Variants in USP38 observed in about 807,000 individuals in gnomAD.
USP38 encodes the protein ubiquitin specific peptidase 38.
USP38 carries 49 observed loss-of-function variants against 94.3 expected under a neutral mutation model. The ratio of observed to expected loss-of-function variants is 0.52; its 90% CI spans 0.41 to 0.66. The LOEUF (loss-of-function observed/expected upper bound fraction) is 0.66, where lower values mean the gene tolerates loss of function less well. USP38 is among the 30% of genes least tolerant of loss of function. The probability of loss-of-function intolerance (pLI) is 0.00; values close to 1 mark genes in which losing one functional copy is unlikely to be tolerated. For synonymous variants in USP38, 468 were observed against 463.6 expected, an observed-to-expected ratio of 1.01 and a Z score of -0.12; for missense variants, 1,128 against 1,229.4, an observed-to-expected ratio of 0.92 and a Z score of 1.23.
Position 143,221,789 on chromosome 4 carries a change from G to A in USP38, c.*1333G>A, listed in dbSNP as rs561282207. On this transcript the variant is annotated 3_prime_UTR_variant, in exon 10 of 10. Coordinates refer to ENST00000307017, the MANE Select transcript of USP38 (RefSeq NM_032557.6). ...ACACTTTAAGGAAACAATGTTCTTCGATGATTTGGGGTTTATCTTTTTCCC... is the reference window on the plus strand; with the variant it reads ...ACACTTTAAGGAAACAATGTTCTTCAATGATTTGGGGTTTATCTTTTTCCC... 2.6e-5 allele frequency: 4 copies of A among 152,162 alleles called. No individual in the cohort carries two copies. The highest frequency in any genetic ancestry group is 1.9e-4 in the East Asian group (1 of 5,184). 9.4% of individuals were successfully genotyped at this position (152,162 alleles called of 1,614,324 possible). A position where few individuals can be genotyped will look rare whatever the true frequency, so the allele number is the denominator to read the frequency against.
chr4:143,199,997 A>G (rs1311344129), intron 4 of USP38, among the ~76,000 whole-genome samples: 2 of 152,050 alleles, frequency 1.3e-5, no homozygotes, highest in Non-Finnish European at 2.9e-5. Flanking sequence ...CCGTTTGTCA[A>G]TTTTTGCTTT....
intron 9 of USP38, among the ~76,000 whole-genome samples, chr4:143,218,910 G>T (rs1461586490): frequency 1.3e-5 from 2 of 151,918 alleles, no homozygotes; most frequent in South Asian, 2.1e-4. Flanking sequence ...TTGGTTGGGG[G>T]GTTTCTGTCT....
intron 9 of USP38, among the ~76,000 whole-genome samples, chr4:143,216,518 G>A (rs1732186608): frequency 6.6e-6 from 1 of 151,264 alleles, no homozygotes; most frequent in Non-Finnish European, 1.5e-5. Flanking sequence ...TGTCACCCAG[G>A]CTGAAGTGCA....
chr4:143,212,984 A>AC (rs1732069407), intron 8 of USP38, among the ~76,000 whole-genome samples: 1 of 152,150 alleles, frequency 6.6e-6, no homozygotes, highest in South Asian at 2.1e-4. Context: ...AATAAATACA[A>AC]CCCATGTAAA....
chr4:143,199,961 C>A (rs1000669324), intron 4 of USP38, among the ~76,000 whole-genome samples: 1 of 152,276 alleles, frequency 6.6e-6, no homozygotes, highest in African/African-American at 2.4e-5. Flanking sequence ...TTTTGCTGTG[C>A]AGAAGCTCTT....
At chr4:143,198,063 G>T (rs1731606030) in intron 4 of USP38, 139 bp downstream of exon 4, 1 of 550,676 alleles carries the variant, frequency 1.8e-6, no homozygotes, top group Non-Finnish European at 3.1e-6. Context: ...TGATTTCCTA[G>T]AAAATTGAGA....
chr4:143,213,668 A>G lies in USP38; in HGVS notation c.1692A>G (p.Glu564=), dbSNP rs765202113. 8.7e-6 allele frequency: 14 copies of G among 1,613,460 alleles called. No individual in the cohort carries two copies. In the East Asian group the frequency reaches 3.1e-4, roughly 36 times the overall value. ...AATGCAGTGAAACTTCTTTACAGGA[A>G]GTAGCTAGTAAAGCAGCAGTACTAA... is the stretch of plus-strand genomic sequence containing the variant. ...ILECSETSLQ[E]VASKAAVLTE... Residue 564 remains glutamate, a synonymous_variant, in exon 9 of 10, where the codon GAA becomes GAG. Transcript: ENST00000307017.
intron 2 of USP38, among the ~76,000 whole-genome samples, chr4:143,193,237 T>G (rs979205242): frequency 4.6e-5 from 7 of 152,202 alleles, no homozygotes; most frequent in African/African-American, 1.2e-4. Context: ...CCTTGTTAAT[T>G]CAACAATTTC....
Position 143,220,767 on chromosome 4 carries a change from A to G in USP38, c.*311A>G, listed in dbSNP as rs1378585142. 5.3e-6 allele frequency: 1 copy of G among 188,948 alleles called. No individual in the cohort carries two copies. Among genetic ancestry groups the G allele is most frequent in the East Asian group, 1.3e-4 (1 of 7,722 alleles). 11.7% of individuals were successfully genotyped at this position (188,948 alleles called of 1,614,324 possible). A position where few individuals can be genotyped will look rare whatever the true frequency, so the allele number is the denominator to read the frequency against. On this transcript the variant is annotated 3_prime_UTR_variant, in exon 10 of 10. Transcript: ENST00000307017. ...TTTGGTAGAAGCATTTAAATGGTCT[A>G]TCTTCAGTTTTACTGAACAAAAAAT...
intron 2 of USP38, among the ~76,000 whole-genome samples, chr4:143,195,188 T>G (rs1414678447): frequency 2.0e-5 from 3 of 152,154 alleles, no homozygotes; most frequent in Non-Finnish European, 2.9e-5. Context: ...GCTGCTCTTT[T>G]TAGAGTAAAT....
intron 5 of USP38, 144 bp downstream of exon 5, chr4:143,203,710 G>A (rs1180038909): frequency 2.6e-6 from 2 of 762,564 alleles, no homozygotes; most frequent in Non-Finnish European, 3.9e-6. Flanking sequence ...TTTCATTTAG[G>A]GAGTAACAGC....
chr4:143,208,996 A>G (rs1404648714), intron 6 of USP38, among the ~76,000 whole-genome samples: 1 of 137,740 alleles, frequency 7.3e-6, no homozygotes, highest in Non-Finnish European at 1.6e-5. Context: ...TTTTTTGAGT[A>G]GTTTATCCTT....
At chr4:143,216,965 G>A (rs1279448553) in intron 9 of USP38, among the ~76,000 whole-genome samples, 1 of 151,952 alleles carries the variant, frequency 6.6e-6, no homozygotes, top group Admixed American at 6.6e-5. Flanking sequence ...ATACGCCAAC[G>A]TGCCTGGTAA....
chr4:143,210,643 T>C (rs956716813), intron 7 of USP38, among the ~76,000 whole-genome samples: 1 of 151,828 alleles, frequency 6.6e-6, no homozygotes, highest in African/African-American at 2.4e-5. Context: ...TTTGAGCCTA[T>C]ACACATGAGT....
intron 4 of USP38, among the ~76,000 whole-genome samples, chr4:143,202,921 T>G (rs959786402): frequency 6.6e-6 from 1 of 152,138 alleles, no homozygotes; most frequent in African/African-American, 2.4e-5. Flanking sequence ...AGCTGCAATT[T>G]TAGTTACTCA....
intron 5 of USP38, 119 bp downstream of exon 5, chr4:143,203,685 G>A (rs984918202): frequency 5.5e-6 from 6 of 1,088,362 alleles, no homozygotes; most frequent in Non-Finnish European, 7.6e-6. Flanking sequence ...TTTGAAAAAT[G>A]CAGTTAGAAT....
chr4:143,198,706 A>G (rs1731624688), intron 4 of USP38, among the ~76,000 whole-genome samples: 1 of 152,196 alleles, frequency 6.6e-6, no homozygotes, highest in Admixed American at 6.5e-5. Flanking sequence ...CCACTGAAGG[A>G]AAGTCCACAG....
rs1654823851 is a variant in USP38, at chr4:143,184,979, C to A, written c.-472C>A. 1 of 156,838 alleles carries A rather than the reference C, an allele frequency of 6.4e-6. No individual in the cohort carries two copies. The highest frequency in any genetic ancestry group is 1.9e-4 in the East Asian group (1 of 5,220). 9.7% of individuals were successfully genotyped at this position (156,838 alleles called of 1,614,324 possible). On this transcript the variant is annotated 5_prime_UTR_variant, in exon 1 of 10. Transcript: ENST00000307017. Reference sequence around the variant, plus strand: ...CTTCTCCCCGGCTGATCCCAGCACTCTCCGTGACAGCGCCTCCTGACTCAG... The same window carrying A: ...CTTCTCCCCGGCTGATCCCAGCACTATCCGTGACAGCGCCTCCTGACTCAG...
At chr4:143,200,286 A>G (rs1030868469) in intron 4 of USP38, among the ~76,000 whole-genome samples, 10 of 152,216 alleles carry the variant, frequency 6.6e-5, no homozygotes, top group Non-Finnish European at 1.3e-4. Flanking sequence ...CATAAACTAC[A>G]TGGTTATATC....
Sources: gnomAD v4.1 joint callset for allele counts (sites outside exome capture counted in the v4.1 genomes callset) on GRCh38, gnomAD v4.1.1 for gene constraint, MANE v1.5 for transcripts, NCBI Gene and HGNC (gene_info 2026-07-23, HGNC 2026-07-21) for gene names.